RDX: variants seen among roughly 807,000 people sequenced by gnomAD.
The protein encoded by RDX is radixin.
In RDX, 32 loss-of-function variants were observed where a neutral mutation model predicts 83.7. The ratio of observed to expected loss-of-function variants is 0.38; its 90% CI spans 0.29 to 0.51. RDX has a LOEUF of 0.51. RDX is among the 20% of genes least tolerant of loss of function. RDX has a pLI of 0.87. For synonymous variants in RDX, 229 were observed against 222.7 expected, an observed-to-expected ratio of 1.03 and a Z score of -0.25; for missense variants, 600 against 689.9, an observed-to-expected ratio of 0.87 and a Z score of 1.46.
chr11:110,289,979 A>AAAAAAAAAAC (rs1555049799), intron 1 of RDX, among the ~76,000 whole-genome samples: 27 of 144,712 alleles, frequency 1.9e-4, no homozygotes, highest in African/African-American at 7.3e-4. Flanking sequence ...AAAAAAAAAA[A>AAAAAAAAAAC]AAACAAGGGT....
At chr11:110,228,391 T>G (rs1003545267), downstream of RDX, among the ~76,000 whole-genome samples, 2 of 152,020 alleles carry the variant, frequency 1.3e-5, no homozygotes, top group Non-Finnish European at 2.9e-5. Flanking sequence ...TGGTACAAAC[T>G]AAGAAAATGC....
intron 15 of RDX, among the ~76,000 whole-genome samples, chr11:110,186,531 A>G (rs56043911): frequency 0.041 from 6,303 of 152,020 alleles, 444 homozygotes; most frequent in African/African-American, 0.14. Context: ...GTGAGCTTTA[A>G]GATGGAAAAT....
chr11:110,231,772 T>C lies in RDX; in HGVS notation c.*97A>G, dbSNP rs996119078. The C allele has an allele frequency of 7.3e-6, 10 of 1,378,390 alleles. No homozygotes were observed. The highest frequency in any genetic ancestry group is 9.2e-6 in the Non-Finnish European group (9 of 975,442). 85.4% of individuals were successfully genotyped at this position (1,378,390 alleles called of 1,614,324 possible). ...GCACAGTCAAACTGGTGTAAGTGCT[T>C]TGGCAAGGTGGGATGCATTCCATCA... is the stretch of plus-strand genomic sequence containing the variant. On this transcript the variant is annotated 3_prime_UTR_variant, in exon 14 of 14. Coordinates refer to ENST00000645495, the MANE Select transcript of RDX (RefSeq NM_002906.4).
intron 1 of RDX, among the ~76,000 whole-genome samples, chr11:110,293,900 T>A (rs1861342341): frequency 6.6e-6 from 1 of 152,218 alleles, no homozygotes; most frequent in African/African-American, 2.4e-5. Context: ...TTTGACCCCG[T>A]TTTTAAACAT....
At chr11:110,244,583 AC>A (rs1272879136) in intron 10 of RDX, among the ~76,000 whole-genome samples, 1 of 152,112 alleles carries the variant, frequency 6.6e-6, no homozygotes, top group African/African-American at 2.4e-5. Flanking sequence ...AATGGGAGTG[AC>A]CGCTAATGGG....
intron 2 of RDX, among the ~76,000 whole-genome samples, chr11:110,273,553 C>T (rs1036794647): frequency 6.6e-6 from 1 of 152,198 alleles, no homozygotes; most frequent in African/African-American, 2.4e-5. Context: ...TAGCTAGGAG[C>T]ACAGGCGTGT....
rs1271284920 is a variant in RDX at position 110,229,745 on chromosome 11, T to G, written c.*2124A>C. ...TTAATCCTAATCTACAAATAGATCATAAACAGCAAAATATAACTGATAATT... is the reference window on the plus strand; with the variant it reads ...TTAATCCTAATCTACAAATAGATCAGAAACAGCAAAATATAACTGATAATT... On this transcript the variant is annotated 3_prime_UTR_variant, in exon 14 of 14. Coordinates refer to ENST00000645495, the MANE Select transcript of RDX (RefSeq NM_002906.4). The G allele has an allele frequency of 6.6e-6, 1 of 152,486 alleles. No homozygotes were observed. 9.4% of individuals were successfully genotyped at this position (152,486 alleles called of 1,614,324 possible). A position where few individuals can be genotyped will look rare whatever the true frequency, so the allele number is the denominator to read the frequency against.
chr11:110,294,907 TTC>T (rs796301484), intron 1 of RDX, among the ~76,000 whole-genome samples: 12 of 152,344 alleles, frequency 7.9e-5, no homozygotes, highest in African/African-American at 2.4e-4. Flanking sequence ...CACAATCAAA[TTC>T]TGTCTCATTT....
rs144279919 is a variant in RDX, at chr11:110,246,570, G to A, written c.1090+1133C>T. ...CGGGTGGATCACTTGAAGTCAGGAG[G>A]TCAAGACCAGTCTGGCCAACATGGC... On this transcript the variant is annotated intron_variant, in intron 10 of 13. Coordinates refer to ENST00000645495, the MANE Select transcript of RDX (RefSeq NM_002906.4). Among the ~76,000 whole-genome samples the A allele has an allele frequency of 2.6e-3, 401 of 152,020 alleles. 3 individuals are homozygous for A. Among genetic ancestry groups the A allele is most frequent in the Middle Eastern group, 0.017 (5 of 294 alleles).
Position 110,231,611 on chromosome 11 carries a change from G to A in RDX, c.*258C>T, listed in dbSNP as rs1864637430. On this transcript the variant is annotated 3_prime_UTR_variant, in exon 14 of 14. Transcript: ENST00000645495. ...GTTAATCTTCAACAGAAAAAAAAAA[G>A]AAAAAGAAAAAAAATGTGAAAAGAG... is the stretch of plus-strand genomic sequence containing the variant. 5 of 490,956 alleles carry A rather than the reference G, an allele frequency of 1.0e-5. No individual in the cohort carries two copies. Among genetic ancestry groups the A allele is most frequent in the African/African-American group, 1.9e-5 (1 of 51,296 alleles). 30.4% of individuals were successfully genotyped at this position (490,956 alleles called of 1,614,324 possible). A position where few individuals can be genotyped will look rare whatever the true frequency, so the allele number is the denominator to read the frequency against.
At chr11:110,190,694 T>TAC (rs1325039658) in intron 15 of RDX, among the ~76,000 whole-genome samples, 1 of 151,818 alleles carries the variant, frequency 6.6e-6, no homozygotes, top group Non-Finnish European at 1.5e-5. Flanking sequence ...AATAGACCAC[T>TAC]ACCTAGATTA....
At chr11:110,288,995 T>A (rs2134446926) in intron 1 of RDX, among the ~76,000 whole-genome samples, 1 of 152,140 alleles carries the variant, frequency 6.6e-6, no homozygotes, top group African/African-American at 2.4e-5. Context: ...CCCAGCACTG[T>A]GGGAGGCCCA....
At chr11:110,263,894 G>C in intron 5 of RDX, 66 bp downstream of exon 5, 1 of 1,387,736 alleles carries the variant, frequency 7.2e-7, no homozygotes, top group South Asian at 1.3e-5. Context: ...CCTGAAAAAC[G>C]TTTTATTTAT....
At chr11:110,262,828 G>A (rs1422052361) in intron 5 of RDX, among the ~76,000 whole-genome samples, 5 of 152,112 alleles carry the variant, frequency 3.3e-5, no homozygotes, top group Non-Finnish European at 5.9e-5. Context: ...AGCAAAGGGT[G>A]GAATCGGTAC....
chr11:110,238,893 C>T (rs184231162), intron 10 of RDX, among the ~76,000 whole-genome samples: 60 of 149,982 alleles, frequency 4.0e-4, no homozygotes, highest in African/African-American at 1.5e-3. Context: ...CCACTGCACT[C>T]CAGCCTGGGC....
At chr11:110,240,288 A>AGAAAGACAACTATTGCAT (rs1346962573) in intron 10 of RDX, among the ~76,000 whole-genome samples, 2 of 152,032 alleles carry the variant, frequency 1.3e-5, no homozygotes, top group Non-Finnish European at 2.9e-5. Flanking sequence ...AACCAAGCAC[A>AGAAAGACAACTATTGCAT]GAAAGACAAC....
At chr11:110,248,023 G>A (rs1275715445) in intron 9 of RDX, among the ~76,000 whole-genome samples, 190 bp from the exon 10 acceptor site, 1 of 152,186 alleles carries the variant, frequency 6.6e-6, no homozygotes, top group Admixed American at 6.6e-5. Flanking sequence ...TTATAAGTGG[G>A]AGCTAAGCTA....
chr11:110,253,507 G>T (rs1454560437), intron 9 of RDX, among the ~76,000 whole-genome samples: 1 of 152,080 alleles, frequency 6.6e-6, no homozygotes, highest in Non-Finnish European at 1.5e-5. Context: ...GAGTTAAAAA[G>T]ATTAGGGTCT....
At chr11:110,277,072 T>A (rs1156933515) in intron 2 of RDX, among the ~76,000 whole-genome samples, 2 of 152,098 alleles carry the variant, frequency 1.3e-5, no homozygotes, top group Non-Finnish European at 2.9e-5. Flanking sequence ...GCTTCAAGAG[T>A]GTTTTCTCCA....
Sources: allele counts gnomAD v4.1 joint callset (sites outside exome capture counted in the v4.1 genomes callset), GRCh38; gene constraint gnomAD v4.1.1; transcripts MANE v1.5; gene names NCBI Gene and HGNC (gene_info 2026-07-23, HGNC 2026-07-21).